Variants in IKZF3 observed in about 807,000 individuals in gnomAD.
IKZF3 encodes the protein zinc finger protein Aiolos.
In IKZF3, 10 loss-of-function variants were observed where a neutral mutation model predicts 49.0. The ratio of observed to expected loss-of-function variants is 0.20; its 90% CI spans 0.13 to 0.35. IKZF3 has a LOEUF of 0.35. IKZF3 is among the 10% of genes least tolerant of loss of function. The pLI is 1.00. For missense variants in IKZF3, 498 were observed against 664.8 expected (o/e 0.75, Z 2.76); for synonymous variants, 209 against 228.2 (o/e 0.92, Z 0.76).
intron 3 of IKZF3, among the ~76,000 whole-genome samples, chr17:39,802,294 T>C (rs1055124903): frequency 2.0e-5 from 3 of 148,480 alleles, no homozygotes; most frequent in East Asian, 2.0e-4. Context: ...TAAAATTCTA[T>C]AGATTTAAGT....
intron 3 of IKZF3, among the ~76,000 whole-genome samples, chr17:39,824,373 G>T (rs550457677): frequency 1.3e-5 from 2 of 152,278 alleles, no homozygotes; most frequent in South Asian, 4.1e-4. Context: ...TAGGCAGAAG[G>T]GGCTTGCCTT....
At chr17:39,789,949 C>CTAG (rs1309007313) in intron 5 of IKZF3, among the ~76,000 whole-genome samples, 1 of 150,916 alleles carries the variant, frequency 6.6e-6, no homozygotes, top group Non-Finnish European at 1.5e-5. Context: ...AAAATGACTT[C>CTAG]GTCTAAATGT....
intron 6 of IKZF3, among the ~76,000 whole-genome samples, chr17:39,785,679 T>C (rs891379442): frequency 6.6e-6 from 1 of 152,184 alleles, no homozygotes; most frequent in Non-Finnish European, 1.5e-5. Flanking sequence ...GACACACATA[T>C]ATGTATATAC....
At chr17:39,815,215 G>T (rs977395030) in intron 3 of IKZF3, among the ~76,000 whole-genome samples, 1 of 152,188 alleles carries the variant, frequency 6.6e-6, no homozygotes, top group Non-Finnish European at 1.5e-5. Flanking sequence ...TGGCAAAGAC[G>T]GGAATCCAAT....
At chr17:39,862,415 CA>C (rs933528803) in intron 1 of IKZF3, among the ~76,000 whole-genome samples, 10 of 151,964 alleles carry the variant, frequency 6.6e-5, no homozygotes, top group Admixed American at 2.6e-4. Flanking sequence ...CACTATAGAC[CA>C]AATCTCTAAT....
intron 1 of IKZF3, chr17:39,836,194 A>G: frequency 1.5e-6 from 1 of 661,268 alleles, no homozygotes; most frequent in Non-Finnish European, 2.8e-6. Context: ...GCTCTGGTTG[A>G]CCATGATGGC....
chr17:39,803,576 C>T (rs1387764434), intron 3 of IKZF3, among the ~76,000 whole-genome samples: 14 of 150,706 alleles, frequency 9.3e-5, no homozygotes, highest in South Asian at 2.1e-4. Context: ...TGCAATGGCG[C>T]GATCTCGGCT....
intron 6 of IKZF3, among the ~76,000 whole-genome samples, chr17:39,782,765 G>A (rs1041106922): frequency 6.6e-6 from 1 of 152,152 alleles, no homozygotes; most frequent in African/African-American, 2.4e-5. Context: ...TGGGATGGTG[G>A]CAAGGAACAA....
chr17:39,780,887 T>A (rs1259603246), intron 6 of IKZF3, among the ~76,000 whole-genome samples: 1 of 152,232 alleles, frequency 6.6e-6, no homozygotes, highest in Non-Finnish European at 1.5e-5. Context: ...GTGATAATAA[T>A]GACAATATTT....
chr17:39,813,934 C>T (rs772649059), intron 3 of IKZF3, among the ~76,000 whole-genome samples: 12 of 152,204 alleles, frequency 7.9e-5, no homozygotes, highest in African/African-American at 2.4e-4. Flanking sequence ...AGTGCCTAAG[C>T]GAGGCTGACG....
chr17:39,778,992 T>C (rs569854680), intron 6 of IKZF3, among the ~76,000 whole-genome samples: 93 of 152,332 alleles, frequency 6.1e-4, no homozygotes, highest in African/African-American at 2.2e-3. Flanking sequence ...ATTTCTGGTA[T>C]AGGGGCCTAG....
chr17:39,814,018 A>C (rs949294657), intron 3 of IKZF3, among the ~76,000 whole-genome samples: 10 of 152,104 alleles, frequency 6.6e-5, no homozygotes, highest in Non-Finnish European at 1.3e-4. Context: ...TCCATAAACC[A>C]CACATGTGGC....
intron 6 of IKZF3, among the ~76,000 whole-genome samples, chr17:39,778,535 G>T (rs1480282511): frequency 6.6e-6 from 1 of 152,160 alleles, no homozygotes; most frequent in Non-Finnish European, 1.5e-5. Flanking sequence ...GGGTGCGGTG[G>T]CTCATGCCTG....
chr17:39,785,753 T>A (rs1407822815), intron 6 of IKZF3, among the ~76,000 whole-genome samples: 3 of 152,162 alleles, frequency 2.0e-5, no homozygotes, highest in Non-Finnish European at 4.4e-5. Context: ...ATATAACCTT[T>A]AAGAAATATA....
intron 1 of IKZF3, chr17:39,835,698 T>G: frequency 4.2e-6 from 2 of 477,380 alleles, no homozygotes; most frequent in Non-Finnish European, 8.2e-6. Flanking sequence ...GATCTGGGAC[T>G]GGAGCTCCCA....
intron 1 of IKZF3, among the ~76,000 whole-genome samples, chr17:39,844,011 A>C (rs1429995672): frequency 6.6e-6 from 1 of 152,154 alleles, no homozygotes; most frequent in African/African-American, 2.4e-5. Flanking sequence ...GAAGACCAGA[A>C]ACTTGTTAAA....
chr17:39,854,138 A>G (rs1251907302), intron 1 of IKZF3, among the ~76,000 whole-genome samples: 1 of 152,174 alleles, frequency 6.6e-6, no homozygotes, highest in African/African-American at 2.4e-5. Flanking sequence ...ACAAAAAAAC[A>G]AAGTCCCAAT....
At chr17:39,785,358 C>T (rs1023708819) in intron 6 of IKZF3, among the ~76,000 whole-genome samples, 2 of 152,058 alleles carry the variant, frequency 1.3e-5, no homozygotes, top group African/African-American at 4.8e-5. Context: ...AAAAAAAAAT[C>T]AAAACTTGCT....
Position 39,792,752 on chromosome 17 carries a change from A to G in IKZF3, c.345T>C (p.Ser115=). The G allele has an allele frequency of 6.2e-7, 1 of 1,614,078 alleles. No homozygotes were observed. Among genetic ancestry groups the G allele is most frequent in the South Asian group, 1.1e-5 (1 of 91,076 alleles). ...VVSFDSSRPT[S]GKMNCDVCGL... ...CACACACATCGCAGTTCATCTTTCC[A>G]CTGGTTGGCCTGCTACTATCGAATG... Residue 115 remains serine, a synonymous_variant, in exon 4 of 8, where the codon AGT becomes AGC. Transcript: ENST00000346872.
Sources: allele counts gnomAD v4.1 joint callset (sites outside exome capture counted in the v4.1 genomes callset), GRCh38; gene constraint gnomAD v4.1.1; transcripts MANE v1.5; gene names NCBI Gene and HGNC (gene_info 2026-07-23, HGNC 2026-07-21).